Variants in STAT3 observed in about 807,000 individuals in gnomAD.
The protein encoded by STAT3 is signal transducer and activator of transcription 3.
STAT3 carries 7 observed loss-of-function variants against 114.3 expected under a neutral mutation model. The ratio of observed to expected loss-of-function variants is 0.06; its 90% confidence interval spans 0.03 to 0.11. The LOEUF (loss-of-function observed/expected upper bound fraction) is 0.11. Among genes scored for constraint, STAT3 ranks in the 10% least tolerant of loss-of-function variants. The probability of loss-of-function intolerance (pLI) is 1.00; values close to 1 mark genes in which losing one functional copy is unlikely to be tolerated. For missense variants in STAT3, 364 were observed against 960.9 expected (o/e 0.38, Z 8.21); for synonymous variants, 331 against 354.5 (o/e 0.93, Z 0.74).
At chr17:42,377,031 T>C (rs150171440) in intron 1 of STAT3, among the ~76,000 whole-genome samples, 1 of 152,170 alleles carries the variant, frequency 6.6e-6, no homozygotes, top group African/African-American at 2.4e-5. Flanking sequence ...TAAAAATATA[T>C]GTGTACAGAT....
At chr17:42,379,260 G>A (rs893898643) in intron 1 of STAT3, among the ~76,000 whole-genome samples, 3 of 152,034 alleles carry the variant, frequency 2.0e-5, no homozygotes, top group African/African-American at 7.2e-5. Context: ...CATACGGCCA[G>A]GAAAAAAGAA....
At position 42,314,859 on chromosome 17, in the gene STAT3, T is replaced by TC. The variant is rs2081194300; in HGVS notation, c.*885_*886insG. 1.1e-5 allele frequency: 2 copies of TC among 184,060 alleles called. No homozygotes were observed. Among genetic ancestry groups the TC allele is most frequent in the African/African-American group, 4.8e-5 (2 of 41,608 alleles). The allele number at this position is 184,060 out of a possible 1,614,324, so 11.4% of individuals were successfully genotyped here. ...GCTGTTAACTGAAGTTTCTTTTTTTTTTTTTTTTTTTTGAGACAGAGTCTC... is the reference window on the plus strand; with the variant it reads ...GCTGTTAACTGAAGTTTCTTTTTTTTCTTTTTTTTTTTTGAGACAGAGTCTC... On this transcript the variant is annotated 3_prime_UTR_variant, in exon 24 of 24. Coordinates refer to ENST00000264657, the MANE Select transcript of STAT3 (RefSeq NM_139276.3).
chr17:42,375,049 C>A (rs2084376183), intron 1 of STAT3, among the ~76,000 whole-genome samples: 1 of 152,174 alleles, frequency 6.6e-6, no homozygotes, highest in Non-Finnish European at 1.5e-5. Flanking sequence ...TTAACCCCAG[C>A]AGTCAGAAAG....
rs1012992742 is a variant in STAT3 at position 42,315,451 on chromosome 17, C to G, written c.*294G>C. The G allele has an allele frequency of 3.7e-6, 2 of 541,756 alleles. No homozygotes were observed. Among genetic ancestry groups the G allele is most frequent in the Admixed American group, 3.1e-5 (1 of 31,942 alleles). The allele number at this position is 541,756 out of a possible 1,614,324, so 33.6% of individuals were successfully genotyped here. ...AGGAGGGCAGGGGAACAAAACAACA[C>G]AAGACATTTCCTTTTTCTCCCTCTA... On this transcript the variant is annotated 3_prime_UTR_variant, in exon 24 of 24. Transcript: ENST00000264657.
At chr17:42,381,570 A>G (rs946843968) in intron 1 of STAT3, among the ~76,000 whole-genome samples, 1 of 127,666 alleles carries the variant, frequency 7.8e-6, no homozygotes, top group Non-Finnish European at 1.8e-5. Flanking sequence ...CTAAAAATAT[A>G]AAAAAAAAAA....
intron 1 of STAT3, among the ~76,000 whole-genome samples, chr17:42,385,508 CAAAAAA>C (rs11328125): frequency 9.2e-6 from 1 of 108,288 alleles, no homozygotes. Flanking sequence ...AACTCCAACT[CAAAAAA>C]AAAAAAAAAA....
At chr17:42,339,283 C>T (rs746205778) in intron 5 of STAT3, 31 bp downstream of exon 5, 1 of 1,597,308 alleles carries the variant, frequency 6.3e-7, no homozygotes, top group South Asian at 1.1e-5. Flanking sequence ...TTAATGAAAG[C>T]TCCCTGCCCG....
intron 1 of STAT3, chr17:42,373,920 T>C (rs1432348600): frequency 6.6e-6 from 1 of 151,616 alleles, no homozygotes; most frequent in African/African-American, 2.4e-5. Context: ...AGCTTTATGG[T>C]TAAGTTTTTA....
intron 21 of STAT3, 95 bp downstream of exon 21, chr17:42,322,187 G>C: frequency 8.6e-7 from 1 of 1,162,802 alleles, no homozygotes. Flanking sequence ...TTATCCCCCA[G>C]GTTATTCAGG....
intron 1 of STAT3, among the ~76,000 whole-genome samples, chr17:42,356,777 A>T (rs1372098526): frequency 1.3e-5 from 2 of 151,364 alleles, no homozygotes; most frequent in Non-Finnish European, 2.9e-5. Context: ...CTGAAAAGAG[A>T]TGTTTTGTTA....
rs59754435 is a variant in STAT3 at position 42,326,693 on chromosome 17, G to A, written c.1282-494C>T. Among the ~76,000 whole-genome samples, 91 of 151,934 alleles carry A rather than the reference G, an allele frequency of 6.0e-4. 2 individuals are homozygous for A. In the East Asian group the frequency reaches 0.011, roughly 18 times the overall value. On this transcript the variant is annotated intron_variant, in intron 14 of 23. Transcript: ENST00000264657. ...AAATTAGCTGGGTGTGGTAGTGGGC[G>A]CCTGTAGTCCCAGCTACTCAGGAGG... is the stretch of plus-strand genomic sequence containing the variant.
In STAT3 at chr17:42,345,677, A is replaced by C. The variant is rs2082664851; in HGVS notation, c.274-20T>G. 2 of 1,580,846 alleles carry C rather than the reference A, an allele frequency of 1.3e-6. No individual in the cohort carries two copies. Among genetic ancestry groups the C allele is most frequent in the Non-Finnish European group, 1.7e-6 (2 of 1,159,946 alleles). On this transcript the variant is annotated intron_variant, in intron 3 of 23. Coordinates refer to ENST00000264657, the MANE Select transcript of STAT3 (RefSeq NM_139276.3). The stretch of plus-strand genomic sequence containing the variant: ...CCTGCTCTATAAGTAGGAGAGAAAG[A>C]GAATAAAAATCAGCAGCAGACCATG...
At chr17:42,352,651 CAAAAA>C (rs766577639) in intron 1 of STAT3, among the ~76,000 whole-genome samples, 1 of 78,912 alleles carries the variant, frequency 1.3e-5, no homozygotes. Context: ...GACTCTGTCT[CAAAAA>C]AAAAAAAAAA....
intron 2 of STAT3, among the ~76,000 whole-genome samples, chr17:42,347,957 T>A (rs2082771462): frequency 6.6e-6 from 1 of 152,238 alleles, no homozygotes; most frequent in South Asian, 2.1e-4. Flanking sequence ...GGTATTTCTT[T>A]ATAGCAAATT....
intron 1 of STAT3, among the ~76,000 whole-genome samples, chr17:42,378,349 G>A (rs1018416681): frequency 2.6e-5 from 4 of 152,120 alleles, no homozygotes; most frequent in African/African-American, 7.2e-5. Context: ...AGGTTCAAGC[G>A]ATTCTCTTGC....
intron 4 of STAT3, among the ~76,000 whole-genome samples, chr17:42,339,731 G>A (rs775949150): frequency 2.0e-4 from 31 of 152,106 alleles, no homozygotes; most frequent in Non-Finnish European, 3.5e-4. Flanking sequence ...CTACTTAAAC[G>A]TGGTGTCCAG....
At chr17:42,374,935 TAC>T (rs1268539438) in intron 1 of STAT3, among the ~76,000 whole-genome samples, 1 of 152,228 alleles carries the variant, frequency 6.6e-6, no homozygotes, top group Non-Finnish European at 1.5e-5. Context: ...GAGCTTTATA[TAC>T]GTTACATGTA....
intron 1 of STAT3, among the ~76,000 whole-genome samples, chr17:42,362,578 CCTGGTTCCACCACTTCGAT>C: frequency 6.6e-6 from 1 of 152,336 alleles, no homozygotes; most frequent in East Asian, 1.9e-4. Flanking sequence ...GGATTTGAAT[CCTGGTTCCACCACTTCGAT>C]CACTTAGCGT....
At position 42,315,807 on chromosome 17, in the gene STAT3, G is replaced by T. The variant is rs762936871; in HGVS notation, c.2258-7C>A. On this transcript the variant is annotated splice_polypyrimidine_tract_variant and splice_region_variant and intron_variant, in intron 23 of 23. Coordinates refer to ENST00000264657, the MANE Select transcript of STAT3 (RefSeq NM_139276.3). ...ATGTCAAAGGTGAGGGACTCTGGAG[G>T]GACAGACAGGGAAAACTAGTTCAGT... is the stretch of plus-strand genomic sequence containing the variant. 1 of 1,614,026 alleles carries T rather than the reference G, an allele frequency of 6.2e-7. No homozygotes were observed. Among genetic ancestry groups the T allele is most frequent in the Admixed American group, 1.7e-5 (1 of 59,994 alleles).
Sources: allele counts gnomAD v4.1 joint callset (sites outside exome capture counted in the v4.1 genomes callset), GRCh38; gene constraint gnomAD v4.1.1; transcripts MANE v1.5; gene names NCBI Gene and HGNC (gene_info 2026-07-23, HGNC 2026-07-21).